The following DOCK2 variants were observed in gnomAD, a reference collection of about 807,000 sequenced individuals.
The protein encoded by DOCK2 is dedicator of cytokinesis 2.
DOCK2 carries 87 observed loss-of-function variants against 248.9 expected under a neutral mutation model. That is an observed-to-expected ratio of 0.35 (90% CI 0.29 to 0.42). DOCK2 has a LOEUF of 0.42. Ranked by LOEUF, DOCK2 falls within the 10% of genes least tolerant of loss-of-function variation. The pLI is 1.00. For synonymous variants in DOCK2, 805 were observed against 821.6 expected, an observed-to-expected ratio of 0.98 and a Z score of 0.35; for missense variants, 1,747 against 2,300.2, an observed-to-expected ratio of 0.76 and a Z score of 4.92.
At chr5:169,779,764 A>T (rs1373972046) in intron 25 of DOCK2, among the ~76,000 whole-genome samples, 1 of 151,212 alleles carries the variant, frequency 6.6e-6, no homozygotes, top group Non-Finnish European at 1.5e-5. Flanking sequence ...TCCCTAGAGG[A>T]ACTCCCCCTT....
intron 47 of DOCK2, among the ~76,000 whole-genome samples, chr5:170,076,508 G>C (rs1757847022): frequency 6.6e-6 from 1 of 152,186 alleles, no homozygotes; most frequent in Admixed American, 6.5e-5. Flanking sequence ...GAGGCTATGT[G>C]GCAAATGAAT....
rs544802014 is a variant in DOCK2, at chr5:169,950,773, T to G, written c.2800-32295T>G. ...AGATTCGGGTGTATCAGGACCAGAT[T>G]CTGTCCCCAGCTCTATGTGATGAAC... On this transcript the variant is annotated intron_variant, in intron 27 of 51. Transcript: ENST00000520908. Among the ~76,000 whole-genome samples the G allele has an allele frequency of 6.6e-4, 100 of 152,316 alleles. No individual in the cohort carries two copies. The Middle Eastern group carries it at 0.01, about 16-fold the overall frequency.
intron 25 of DOCK2, among the ~76,000 whole-genome samples, chr5:169,765,243 G>T (rs528583911): frequency 6.6e-6 from 1 of 152,216 alleles, no homozygotes; most frequent in South Asian, 2.1e-4. Context: ...TCACAGAATG[G>T]GTCCCCTTGG....
At chr5:169,819,744 A>T (rs1768302482) in intron 26 of DOCK2, among the ~76,000 whole-genome samples, 1 of 152,222 alleles carries the variant, frequency 6.6e-6, no homozygotes, top group African/African-American at 2.4e-5. Flanking sequence ...TACCGGGTTC[A>T]TCTCACTGGG....
intron 27 of DOCK2, among the ~76,000 whole-genome samples, chr5:169,908,376 C>G (rs1056846844): frequency 6.6e-6 from 1 of 152,096 alleles, no homozygotes; most frequent in Non-Finnish European, 1.5e-5. Flanking sequence ...TATAGGCATA[C>G]TCATACATGC....
At chr5:169,674,009 C>G (rs1174546515) in intron 5 of DOCK2, among the ~76,000 whole-genome samples, 1 of 152,226 alleles carries the variant, frequency 6.6e-6, no homozygotes, top group Non-Finnish European at 1.5e-5. Context: ...ATGTTCGTAG[C>G]ATTCCTGTTC....
At chr5:169,669,378 G>A in intron 3 of DOCK2, 50 bp downstream of exon 3, 1 of 1,600,682 alleles carries the variant, frequency 6.2e-7, no homozygotes, top group Non-Finnish European at 8.6e-7. Context: ...TCTTCATATG[G>A]CCCCGCTATC....
intron 27 of DOCK2, among the ~76,000 whole-genome samples, chr5:169,850,497 ATG>A (rs1770565223): frequency 6.6e-6 from 1 of 152,016 alleles, no homozygotes; most frequent in African/African-American, 2.4e-5. Context: ...GTGTATGTGT[ATG>A]TGTGTTAAGG....
rs368563028 is a variant in DOCK2 at position 169,689,318 on chromosome 5, G to A, written c.828G>A (p.Leu276=). The A allele has an allele frequency of 6.2e-7, 1 of 1,613,968 alleles. No homozygotes were observed. The highest frequency in any genetic ancestry group is 8.5e-7 in the Non-Finnish European group (1 of 1,179,994). ...AGGAGATTGAGATGCTCAACAATCTGAAGGTGGTCTTCACGGTGAGTGTGC... is the reference window on the plus strand; with the variant it reads ...AGGAGATTGAGATGCTCAACAATCTAAAGGTGGTCTTCACGGTGAGTGTGC... ...FPKEIEMLNN[L]KVVFTDLGNK... is the part of the protein sequence containing the mutation. The change falls in exon 9 of 52, where the codon CTG becomes CTA. Residue 276 remains leucine (L), a synonymous_variant. Coordinates refer to ENST00000520908, the MANE Select transcript of DOCK2 (RefSeq NM_004946.3).
chr5:169,712,273 G>C (rs1761634264), intron 17 of DOCK2, 50 bp downstream of exon 17: 2 of 1,558,332 alleles, frequency 1.3e-6, no homozygotes, highest in Admixed American at 1.7e-5. Context: ...CAGGAAGAAA[G>C]GGGGTGATGG....
At chr5:169,850,848 G>A (rs553598404) in intron 27 of DOCK2, among the ~76,000 whole-genome samples, 99 of 152,232 alleles carry the variant, frequency 6.5e-4, no homozygotes, top group African/African-American at 2.4e-3. Flanking sequence ...TGAATGCCAC[G>A]AAAAACTTTA....
chr5:169,840,696 T>A, intron 26 of DOCK2, 61 bp from the exon 27 acceptor site: 6 of 1,513,708 alleles, frequency 4.0e-6, no homozygotes, highest in Non-Finnish European at 5.5e-6. Context: ...CTGTGTCCTT[T>A]GTACAATTGT....
chr5:169,872,044 C>T (rs958728739), intron 27 of DOCK2, among the ~76,000 whole-genome samples: 8 of 152,158 alleles, frequency 5.3e-5, no homozygotes, highest in African/African-American at 1.9e-4. Flanking sequence ...TGCCAACAAG[C>T]CACTGCCATC....
chr5:169,886,823 T>C (rs771393909), intron 27 of DOCK2, among the ~76,000 whole-genome samples: 2 of 152,202 alleles, frequency 1.3e-5, no homozygotes, highest in Non-Finnish European at 2.9e-5. Context: ...TAGCACTTCA[T>C]TCTGGGAACG....
chr5:170,040,864 C>T (rs1756491139), intron 36 of DOCK2, 191 bp from the exon 37 acceptor site: 2 of 534,256 alleles, frequency 3.7e-6, no homozygotes, highest in Non-Finnish European at 6.6e-6. Context: ...AACTTAGTAC[C>T]TGTCATGCAC....
At chr5:169,704,893 G>A (rs112288868) in intron 14 of DOCK2, among the ~76,000 whole-genome samples, 2,939 of 152,076 alleles carry the variant, frequency 0.019, 34 homozygotes, top group South Asian at 0.063. Flanking sequence ...TGGGCACAGC[G>A]GCTCACACCT....
chr5:169,779,704 C>T (rs1270050551), intron 25 of DOCK2, among the ~76,000 whole-genome samples: 2 of 152,166 alleles, frequency 1.3e-5, no homozygotes, highest in African/African-American at 2.4e-5. Flanking sequence ...CCACCCCACC[C>T]CCGCATCATC....
chr5:169,853,574 C>T (rs983558410), intron 27 of DOCK2, among the ~76,000 whole-genome samples: 1 of 152,062 alleles, frequency 6.6e-6, no homozygotes, highest in Non-Finnish European at 1.5e-5. Context: ...AGGAATGAAG[C>T]AGCAACGACA....
rs1757979876 is a variant in DOCK2, at chr5:170,080,210, TGCG to T, written c.5217_5219del (p.Ala1740del). The T allele has an allele frequency of 6.2e-7, 1 of 1,614,020 alleles. No individual in the cohort carries two copies. The highest frequency in any genetic ancestry group is 1.3e-5 in the African/African-American group (1 of 74,902). ...TGAGTGACACCAACCTCTCGGAGCA[TGCG>T]GCCATCCCCCTCAAGGCGTCTGTCC... On this transcript the variant is annotated inframe_deletion, in exon 50 of 52. Coordinates refer to ENST00000520908, the MANE Select transcript of DOCK2 (RefSeq NM_004946.3).
Sources: gnomAD v4.1 joint callset for allele counts (sites outside exome capture counted in the v4.1 genomes callset) on GRCh38, gnomAD v4.1.1 for gene constraint, MANE v1.5 for transcripts, NCBI Gene and HGNC (gene_info 2026-07-23, HGNC 2026-07-21) for gene names.